SPSB4: variants seen among roughly 807,000 people sequenced by gnomAD.
SPSB4 encodes the protein SPRY domain-containing SOCS box protein 4.
In SPSB4, 21 loss-of-function variants were observed where a neutral mutation model predicts 20.9. The observed-to-expected ratio is 1.01, with a 90% CI of 0.71 to 1.45. SPSB4 has a LOEUF of 1.45. Among genes scored for constraint, SPSB4 ranks in the 40% most tolerant of loss-of-function variants. The pLI is 0.00. For missense variants in SPSB4, 399 were observed against 399.2 expected (o/e 1.00, Z 0.00); for synonymous variants, 207 against 183.8 (o/e 1.13, Z -1.02).
chr3:141,075,942 C>T (rs1325172371), intron 2 of SPSB4, among the ~76,000 whole-genome samples: 1 of 150,376 alleles, frequency 6.6e-6, no homozygotes, highest in African/African-American at 2.4e-5. Flanking sequence ...TGCCTGTAAT[C>T]CCAGCTACTC....
intron 2 of SPSB4, among the ~76,000 whole-genome samples, chr3:141,141,601 A>T (rs1001308579): frequency 6.6e-5 from 10 of 152,232 alleles, no homozygotes; most frequent in Admixed American, 3.9e-4. Flanking sequence ...ACAGCAGTGG[A>T]ATAGTTTCGG....
intron 2 of SPSB4, among the ~76,000 whole-genome samples, chr3:141,111,874 C>G (rs1447174664): frequency 6.6e-6 from 1 of 152,086 alleles, no homozygotes; most frequent in Non-Finnish European, 1.5e-5. Context: ...ATCGTGGAAC[C>G]CAAAACCTGT....
intron 2 of SPSB4, among the ~76,000 whole-genome samples, chr3:141,087,069 C>T (rs566285464): frequency 4.6e-5 from 7 of 152,310 alleles, no homozygotes; most frequent in South Asian, 2.1e-4. Context: ...GAAGATGACA[C>T]GCGCACAGCA....
chr3:141,104,614 AGGT>A (rs1938660207), intron 2 of SPSB4, among the ~76,000 whole-genome samples: 1 of 152,206 alleles, frequency 6.6e-6, no homozygotes, highest in Non-Finnish European at 1.5e-5. Flanking sequence ...ACCTGCACAC[AGGT>A]GGCCGGTGTC....
chr3:141,071,996 C>T (rs1269522249), intron 2 of SPSB4, among the ~76,000 whole-genome samples: 1 of 152,236 alleles, frequency 6.6e-6, no homozygotes, highest in Non-Finnish European at 1.5e-5. Context: ...GACCTTCTCG[C>T]TAGACCCCCG....
chr3:141,144,575 G>A (rs1211465268), intron 2 of SPSB4, among the ~76,000 whole-genome samples: 1 of 152,224 alleles, frequency 6.6e-6, no homozygotes, highest in African/African-American at 2.4e-5. Flanking sequence ...GGAACTCAAG[G>A]ACTTTCTCTG....
At chr3:141,146,684 G>A (rs540466123) in intron 2 of SPSB4, among the ~76,000 whole-genome samples, 1 of 151,708 alleles carries the variant, frequency 6.6e-6, no homozygotes, top group South Asian at 2.1e-4. Flanking sequence ...TGAGGCAGGA[G>A]AATGGCGTGA....
chr3:141,119,873 C>G (rs1559853045), intron 2 of SPSB4, among the ~76,000 whole-genome samples: 1 of 152,090 alleles, frequency 6.6e-6, no homozygotes, highest in Non-Finnish European at 1.5e-5. Context: ...CTCCTGGATT[C>G]ATTGATTTTT....
At chr3:141,134,030 C>CTTTTTTTTTTTTTTTTTTTTTTTTT (rs1207127072) in intron 2 of SPSB4, among the ~76,000 whole-genome samples, 1 of 37,772 alleles carries the variant, frequency 2.6e-5, no homozygotes, top group Non-Finnish European at 5.4e-5. Context: ...TTTTTTTTTT[C>CTTTTTTTTTTTTTTTTTTTTTTTTT]TTTTCTTTTT....
intron 2 of SPSB4, among the ~76,000 whole-genome samples, chr3:141,109,165 C>A (rs747249423): frequency 1.3e-5 from 2 of 152,116 alleles, no homozygotes; most frequent in African/African-American, 4.8e-5. Context: ...CAGAGGCAAC[C>A]GATGCTGTCA....
chr3:141,054,550 G>T (rs1007552661), intron 1 of SPSB4, among the ~76,000 whole-genome samples: 15 of 152,304 alleles, frequency 9.8e-5, no homozygotes, highest in Admixed American at 2.6e-4. Context: ...TGTGCCCTTT[G>T]GGAAAGAGGT....
chr3:141,100,347 T>C (rs778393982), intron 2 of SPSB4, among the ~76,000 whole-genome samples: 40 of 152,114 alleles, frequency 2.6e-4, no homozygotes, highest in Non-Finnish European at 3.7e-4. Flanking sequence ...GTGACTGGTA[T>C]CCTTATGGAA....
chr3:141,121,587 A>G lies in SPSB4; in HGVS notation c.695-25555A>G, dbSNP rs538837202. Among the ~76,000 whole-genome samples the G allele has an allele frequency of 2.6e-5, 4 of 152,264 alleles. No homozygotes were observed. In the East Asian group the frequency reaches 7.7e-4, roughly 29 times the overall value. On this transcript the variant is annotated intron_variant, in intron 2 of 2. Coordinates refer to ENST00000310546, the MANE Select transcript of SPSB4 (RefSeq NM_080862.3). ...ATGTGGTCTTTTCACATAGTTCCAC[A>G]TTTCTTGGAGGCTTTGTTCATTTCT...
At chr3:141,091,633 A>G (rs114059722) in intron 2 of SPSB4, among the ~76,000 whole-genome samples, 1,621 of 152,302 alleles carry the variant, frequency 0.011, 26 homozygotes, top group African/African-American at 0.036. Flanking sequence ...CAGGGCTGTC[A>G]TGGAAACCCC....
At chr3:141,130,138 T>C (rs1348693293) in intron 2 of SPSB4, among the ~76,000 whole-genome samples, 3 of 152,160 alleles carry the variant, frequency 2.0e-5, no homozygotes, top group Admixed American at 1.3e-4. Flanking sequence ...GAAGTAGCAT[T>C]ACTACAGGTA....
At chr3:141,130,586 G>A (rs778844764) in intron 2 of SPSB4, among the ~76,000 whole-genome samples, 10 of 152,168 alleles carry the variant, frequency 6.6e-5, no homozygotes, top group Non-Finnish European at 1.3e-4. Context: ...TTGACTCTAA[G>A]ATGCTGATCT....
At position 141,066,432 on chromosome 3, in the gene SPSB4, G is replaced by A. The variant is rs1394882787; in HGVS notation, c.328G>A (p.Gly110Ser). Residue 110 changes from glycine to serine, a missense_variant, in exon 2 of 3, where the codon GGC (glycine) becomes AGC (serine). Transcript: ENST00000310546. ...WQINWPARQR[G>S]THAVVGVATA... The stretch of plus-strand genomic sequence containing the variant: ...GATCAACTGGCCGGCTCGGCAGCGC[G>A]GCACCCACGCTGTAGTTGGTGTGGC... 2.6e-6 allele frequency: 4 copies of A among 1,511,218 alleles called. No individual in the cohort carries two copies. Among genetic ancestry groups the A allele is most frequent in the Non-Finnish European group, 3.5e-6 (4 of 1,131,028 alleles). 93.6% of individuals were successfully genotyped at this position (1,511,218 alleles called of 1,614,324 possible). A position where few individuals can be genotyped will look rare whatever the true frequency, so the allele number is the denominator to read the frequency against.
rs1938607480 is a variant in SPSB4 at position 141,101,140 on chromosome 3, G to C, written c.694+34342G>C. Among the ~76,000 whole-genome samples the C allele has an allele frequency of 3.3e-5, 5 of 151,944 alleles. No homozygotes were observed. In the South Asian group the frequency reaches 1.0e-3, roughly 32 times the overall value. On this transcript the variant is annotated intron_variant, in intron 2 of 2. Coordinates refer to ENST00000310546, the MANE Select transcript of SPSB4 (RefSeq NM_080862.3). ...AAAAATGCCACCTGGACCTTCTGAG[G>C]CTGGCAGTGAAGGAGCCCCCCGAGG... is the stretch of plus-strand genomic sequence containing the variant.
At chr3:141,124,441 C>T (rs1248474110) in intron 2 of SPSB4, among the ~76,000 whole-genome samples, 2 of 152,164 alleles carry the variant, frequency 1.3e-5, no homozygotes, top group South Asian at 2.1e-4. Context: ...GTTTAGTCAC[C>T]GTAATGATGA....
Sources: gnomAD v4.1 joint callset for allele counts (sites outside exome capture counted in the v4.1 genomes callset) on GRCh38, gnomAD v4.1.1 for gene constraint, MANE v1.5 for transcripts, NCBI Gene and HGNC (gene_info 2026-07-23, HGNC 2026-07-21) for gene names.